Variants in ASH1L observed in about 807,000 individuals in gnomAD.
ASH1L encodes the protein ASH1 like histone lysine methyltransferase, also known as histone-lysine N-methyltransferase ASH1L.
A neutral mutation model predicts 269.0 loss-of-function variants in ASH1L; 23 were observed. The observed-to-expected ratio is 0.09, with a 90% CI of 0.06 to 0.12. ASH1L has a LOEUF of 0.12. Ranked by LOEUF, ASH1L falls within the 10% of genes least tolerant of loss-of-function variation. The pLI is 1.00. For synonymous variants in ASH1L, 1,187 were observed against 1,253.5 expected (o/e 0.95, Z 1.12); for missense variants, 2,912 against 3,567.8 (o/e 0.82, Z 4.68).
At chr1:155,466,262 G>A (rs200887810) in intron 3 of ASH1L, among the ~76,000 whole-genome samples, 1 of 152,114 alleles carries the variant, frequency 6.6e-6, no homozygotes, top group East Asian at 1.9e-4. Flanking sequence ...GCTGAGGCAG[G>A]AGAATGGCAT....
intron 10 of ASH1L, among the ~76,000 whole-genome samples, chr1:155,375,584 C>T (rs952713088): frequency 6.6e-6 from 1 of 152,004 alleles, no homozygotes; most frequent in Non-Finnish European, 1.5e-5. Flanking sequence ...GTCAGGAGTT[C>T]GAGACCAGCG....
chr1:155,365,513 A>G (rs1190184669), intron 12 of ASH1L, among the ~76,000 whole-genome samples: 1 of 151,778 alleles, frequency 6.6e-6, no homozygotes, highest in African/African-American at 2.4e-5. Flanking sequence ...ATGAGCCACC[A>G]TGCCTGGCAT....
At chr1:155,360,777 T>G (rs1654876064) in intron 12 of ASH1L, among the ~76,000 whole-genome samples, 1 of 152,176 alleles carries the variant, frequency 6.6e-6, no homozygotes, top group South Asian at 2.1e-4. Flanking sequence ...CTTGGCAGCC[T>G]GTATAATACT....
intron 2 of ASH1L, among the ~76,000 whole-genome samples, chr1:155,496,323 C>T (rs1185200357): frequency 6.6e-6 from 1 of 152,142 alleles, no homozygotes; most frequent in Non-Finnish European, 1.5e-5. Flanking sequence ...TATGGGACCA[C>T]CAAAATGTGA....
intron 10 of ASH1L, 46 bp from the exon 11 acceptor site, chr1:155,371,029 C>A (rs1433285429): frequency 6.6e-7 from 1 of 1,511,674 alleles, no homozygotes; most frequent in African/African-American, 1.4e-5. Context: ...ATGATACATA[C>A]CTTGATGCAT....
chr1:155,481,061 C>A lies in ASH1L; in HGVS notation c.1809G>T (p.Gln603His), dbSNP rs1665924184. The A allele has an allele frequency of 6.2e-7, 1 of 1,613,926 alleles. No homozygotes were observed. Among genetic ancestry groups the A allele is most frequent in the Admixed American group, 1.7e-5 (1 of 59,994 alleles). ...TCAAGTGGGTACTTTCAGAAGTAAA[C>A]TGGTTCTTTCCAACAGATTCAGAAA... The part of the protein sequence containing the change: ...EEISESVGKN[Q>H]FTSESTHLNV... The change falls in exon 3 of 28, where the codon CAG becomes CAT. Residue 603 changes from glutamine (Q) to histidine (H), a missense_variant. This residue lies in a region of ASH1L where 715 missense variants were observed against 721.0 expected (regional missense o/e 0.99). Transcript: ENST00000392403.
chr1:155,342,088 C>G lies in ASH1L; in HGVS notation c.8308G>C (p.Val2770Leu). 1 of 1,614,190 alleles carries G rather than the reference C, an allele frequency of 6.2e-7. No homozygotes were observed. The highest frequency in any genetic ancestry group is 8.5e-7 in the Non-Finnish European group (1 of 1,180,030). ...CAGATGTACACATCTTGCTCCTTTACTCCTTTGGGTCTCCCTATGGGTCCA... is the reference window on the plus strand; with the variant it reads ...CAGATGTACACATCTTGCTCCTTTAGTCCTTTGGGTCTCCCTATGGGTCCA... ...YTYCKGRPKG[V>L]KEQDVYICDY... The change falls in exon 25 of 28, where the codon GTA (valine) becomes CTA (leucine). Residue 2770 changes from valine to leucine, a missense_variant. By Grantham distance (32) the Val-to-Leu change is conservative. Transcript: ENST00000392403.
At chr1:155,436,367 T>C (rs556287698) in intron 5 of ASH1L, among the ~76,000 whole-genome samples, 1 of 151,942 alleles carries the variant, frequency 6.6e-6, no homozygotes, top group African/African-American at 2.4e-5. Context: ...AATTTTGTAT[T>C]TTTAGTAGAG....
chr1:155,338,002 A>G (rs1652455405), intron 27 of ASH1L, 87 bp downstream of exon 27: 1 of 1,350,738 alleles, frequency 7.4e-7, no homozygotes, highest in African/African-American at 1.5e-5. Context: ...AATACTTTGG[A>G]TGCTGAACCA....
chr1:155,495,827 G>A (rs940554715), intron 2 of ASH1L, among the ~76,000 whole-genome samples: 6 of 152,010 alleles, frequency 3.9e-5, no homozygotes, highest in African/African-American at 1.4e-4. Flanking sequence ...GCAAAACTGT[G>A]TTTCTACTAA....
intron 4 of ASH1L, among the ~76,000 whole-genome samples, chr1:155,443,891 T>C (rs1662788963): frequency 6.6e-6 from 1 of 151,876 alleles, no homozygotes; most frequent in Non-Finnish European, 1.5e-5. Flanking sequence ...AAAGAAAAAA[T>C]ATCCTATGAA....
intron 5 of ASH1L, among the ~76,000 whole-genome samples, chr1:155,417,989 G>C (rs1184480225): frequency 6.6e-6 from 1 of 150,666 alleles, no homozygotes; most frequent in Non-Finnish European, 1.5e-5. Flanking sequence ...CCTTAGCTAA[G>C]TTTAAAAACA....
intron 2 of ASH1L, among the ~76,000 whole-genome samples, chr1:155,488,698 G>T (rs76774058): frequency 0.033 from 2,202 of 67,240 alleles, 75 homozygotes; most frequent in African/African-American, 0.11. Context: ...AAAAAAAAAA[G>T]ATTTTGAAAA....
chr1:155,342,166 AC>A, intron 24 of ASH1L, 64 bp from the exon 25 acceptor site: 1 of 1,508,408 alleles, frequency 6.6e-7, no homozygotes. Flanking sequence ...CTGCCCAAAG[AC>A]CCCATACACA....
chr1:155,357,419 G>C lies in ASH1L; in HGVS notation c.6961-9C>G. 6.2e-7 allele frequency: 1 copy of C among 1,609,558 alleles called. No homozygotes were observed. Among genetic ancestry groups the C allele is most frequent in the Non-Finnish European group, 8.5e-7 (1 of 1,176,114 alleles). The stretch of plus-strand genomic sequence containing the variant: ...TCAGAGAGATGGCCTCTCTGAAAAA[G>C]AGATGGATCAGATTAGAGATTTAAA... On this transcript the variant is annotated splice_polypyrimidine_tract_variant and intron_variant, in intron 14 of 27. Coordinates refer to ENST00000392403, the MANE Select transcript of ASH1L (RefSeq NM_018489.3).
intron 5 of ASH1L, among the ~76,000 whole-genome samples, chr1:155,416,532 CT>C (rs1360208230): frequency 1.3e-5 from 2 of 151,674 alleles, no homozygotes; most frequent in Non-Finnish European, 2.9e-5. Flanking sequence ...CCTTGCCTTT[CT>C]TTTATCTTTT....
intron 2 of ASH1L, among the ~76,000 whole-genome samples, chr1:155,482,704 C>A (rs1304840941): frequency 6.6e-6 from 1 of 152,120 alleles, no homozygotes; most frequent in Admixed American, 6.6e-5. Flanking sequence ...TTAGAAATAT[C>A]CCTGATATTT....
intron 2 of ASH1L, among the ~76,000 whole-genome samples, chr1:155,497,938 G>A (rs1176155915): frequency 6.6e-6 from 1 of 151,736 alleles, no homozygotes; most frequent in African/African-American, 2.4e-5. Flanking sequence ...ATTTTTAGTA[G>A]AGACAGGGTT....
intron 6 of ASH1L, among the ~76,000 whole-genome samples, chr1:155,398,846 G>A (rs936401891): frequency 7.2e-5 from 11 of 151,876 alleles, no homozygotes; most frequent in African/African-American, 1.9e-4. Flanking sequence ...CTTGCCCTCC[G>A]AGTAGCTGGA....
Sources: gnomAD v4.1 joint callset for allele counts (sites outside exome capture counted in the v4.1 genomes callset) on GRCh38, gnomAD v4.1.1 for gene constraint, gnomAD v4.1.1 regional missense constraint, MANE v1.5 for transcripts, NCBI Gene and HGNC (gene_info 2026-07-23, HGNC 2026-07-21) for gene names.